PBRM1: variants seen among roughly 807,000 people sequenced by gnomAD.
PBRM1 encodes the protein polybromo 1, also known as protein polybromo-1.
Under a neutral mutation model 194.5 loss-of-function variants are expected in PBRM1, and 27 were observed. The observed-to-expected ratio is 0.14, with a 90% CI of 0.10 to 0.19. The LOEUF (loss-of-function observed/expected upper bound fraction) is 0.19. Ranked by LOEUF, PBRM1 falls within the 10% of genes least tolerant of loss-of-function variation. The pLI is 1.00. For missense variants in PBRM1, 1,466 were observed against 2,077.2 expected (o/e 0.71, Z 5.72); for synonymous variants, 655 against 693.2 (o/e 0.94, Z 0.87).
chr3:52,556,429 A>G (rs1348275297), intron 26 of PBRM1, among the ~76,000 whole-genome samples: 4 of 152,184 alleles, frequency 2.6e-5, no homozygotes, highest in Non-Finnish European at 4.4e-5. Flanking sequence ...TCTTTTAACC[A>G]CACCACCAGT....
At chr3:52,646,416 AAC>A (rs1214848220) in intron 7 of PBRM1, among the ~76,000 whole-genome samples, 2 of 152,350 alleles carry the variant, frequency 1.3e-5, no homozygotes, top group East Asian at 3.9e-4. Flanking sequence ...AAAGCAATGA[AAC>A]AGTCATTTTA....
chr3:52,605,849 C>T (rs1465104293), intron 16 of PBRM1, among the ~76,000 whole-genome samples: 6 of 152,060 alleles, frequency 3.9e-5, no homozygotes, highest in African/African-American at 9.7e-5. Flanking sequence ...GTGATCCGCC[C>T]GCCGTGGCCT....
intron 4 of PBRM1, among the ~76,000 whole-genome samples, chr3:52,658,539 C>T (rs947073019): frequency 4.6e-5 from 7 of 151,820 alleles, no homozygotes; most frequent in Admixed American, 1.3e-4. Flanking sequence ...GGATTATAGG[C>T]ATGCGCCACC....
At chr3:52,587,255 A>T in intron 19 of PBRM1, 98 bp downstream of exon 21, 1 of 927,958 alleles carries the variant, frequency 1.1e-6, no homozygotes, top group Non-Finnish European at 1.7e-6. Flanking sequence ...ATAGCTTAAA[A>T]CAGAGTTCCT....
chr3:52,655,419 C>T (rs183479268), intron 5 of PBRM1, among the ~76,000 whole-genome samples: 2 of 152,204 alleles, frequency 1.3e-5, no homozygotes, highest in South Asian at 2.1e-4. Flanking sequence ...TCCTTTTTAA[C>T]GCCAAATAAT....
chr3:52,582,550 T>C (rs997965688), intron 20 of PBRM1, among the ~76,000 whole-genome samples: 5 of 151,376 alleles, frequency 3.3e-5, no homozygotes, highest in Admixed American at 2.6e-4. Flanking sequence ...ACTGGGATTA[T>C]AGGCACCTGC....
chr3:52,642,967 T>C lies in PBRM1; in HGVS notation c.995+281A>G, dbSNP rs531404948. ...ACACCCAGCTAATTTTTGTAGTTTTTAGTATAGATGGAGTTTCACCATGTT... is the reference window on the plus strand; with the variant it reads ...ACACCCAGCTAATTTTTGTAGTTTTCAGTATAGATGGAGTTTCACCATGTT... On this transcript the variant is annotated intron_variant, in intron 9 of 29. Coordinates refer to ENST00000296302, the Ensembl canonical transcript of PBRM1. Among the ~76,000 whole-genome samples the C allele has an allele frequency of 3.3e-5, 5 of 152,158 alleles. No homozygotes were observed. In the East Asian group the frequency reaches 9.7e-4, roughly 29 times the overall value.
At chr3:52,658,412 C>CTTTTT in intron 4 of PBRM1, 97 bp from the exon 6 acceptor site, 1 of 445,194 alleles carries the variant, frequency 2.2e-6, no homozygotes, top group Non-Finnish European at 4.1e-6. Flanking sequence ...AAAACAGCAA[C>CTTTTT]TTTTTTTTTT....
intron 24 of PBRM1, 95 bp downstream of exon 26, chr3:52,563,188 A>T: frequency 1.3e-6 from 1 of 786,226 alleles, no homozygotes. Context: ...TAAAGCTCAC[A>T]TATGGAGGGG....
intron 13 of PBRM1, among the ~76,000 whole-genome samples, chr3:52,622,074 T>G (rs1433546782): frequency 1.3e-5 from 2 of 148,776 alleles, no homozygotes; most frequent in African/African-American, 5.0e-5. Flanking sequence ...GCATGGTGGC[T>G]CACACATGTA....
intron 2 of PBRM1, 106 bp downstream of exon 3, chr3:52,678,394 C>A: frequency 2.9e-6 from 2 of 689,060 alleles, no homozygotes; most frequent in Non-Finnish European, 5.2e-6. Context: ...ACCCCAGTAT[C>A]ATTTAAGCCA....
intron 20 of PBRM1, among the ~76,000 whole-genome samples, chr3:52,584,760 GCTT>G (rs2092094002): frequency 6.6e-6 from 1 of 151,876 alleles, no homozygotes; most frequent in African/African-American, 2.4e-5. Context: ...CTGCCATCTT[GCTT>G]CTTTATTGTC....
chr3:52,680,844 A>G (rs1183701511), upstream of PBRM1, among the ~76,000 whole-genome samples: 2 of 151,980 alleles, frequency 1.3e-5, no homozygotes, highest in Non-Finnish European at 2.9e-5. Flanking sequence ...TATTTTTAGT[A>G]GAGACGGGGT....
downstream of PBRM1, chr3:52,545,639 T>TA: frequency 8.6e-6 from 2 of 233,072 alleles, no homozygotes; most frequent in East Asian, 1.2e-4. Context: ...CCAAAACAGT[T>TA]AAAGGCCTTT....
intron 22 of PBRM1, among the ~76,000 whole-genome samples, chr3:52,571,608 A>G (rs530081471): frequency 7.0e-6 from 1 of 143,144 alleles, no homozygotes; most frequent in Non-Finnish European, 1.5e-5. Context: ...CCTGGGCAAC[A>G]AGAGCGAAAC....
intron 6 of PBRM1, among the ~76,000 whole-genome samples, chr3:52,648,985 A>G (rs550283964): frequency 1.3e-5 from 2 of 152,352 alleles, no homozygotes; most frequent in East Asian, 3.9e-4. Context: ...TACGAAGGAA[A>G]TGAAAGACGG....
At chr3:52,626,141 C>T (rs565132164) in intron 13 of PBRM1, among the ~76,000 whole-genome samples, 3 of 152,284 alleles carry the variant, frequency 2.0e-5, no homozygotes, top group African/African-American at 7.2e-5. Context: ...TACATATTTA[C>T]ACTCAAAGTT....
Position 52,634,684 on chromosome 3 carries a change from G to C in PBRM1, c.1219C>G (p.Pro407Ala), listed in dbSNP as rs748039131. The change falls in exon 11 of 30, where the codon CCT becomes GCT. Residue 407 changes from proline (P) to alanine (A), a missense_variant. Coordinates refer to ENST00000296302, the Ensembl canonical transcript of PBRM1. ...TTCTTTGAAGGCAAATGGTAAAAAG[G>C]TTCAGCTATTAGCTGCCCTTGGTTA... 2.2e-5 allele frequency: 36 copies of C among 1,613,764 alleles called. No individual in the cohort carries two copies. In the East Asian group the frequency reaches 7.6e-4, roughly 34 times the overall value.
intron 9 of PBRM1, among the ~76,000 whole-genome samples, chr3:52,642,608 C>CAAAAAAA (rs201394004): frequency 2.1e-5 from 2 of 97,510 alleles, no homozygotes; most frequent in Non-Finnish European, 4.5e-5. Flanking sequence ...AACTTCGTCT[C>CAAAAAAA]AAAAAAAAAA....
Sources: allele counts gnomAD v4.1 joint callset (sites outside exome capture counted in the v4.1 genomes callset), GRCh38; gene constraint gnomAD v4.1.1; transcripts MANE v1.5; gene names NCBI Gene and HGNC (gene_info 2026-07-23, HGNC 2026-07-21).